The following LDLRAD4 variants were observed in gnomAD, a reference collection of about 807,000 sequenced individuals.
The protein encoded by LDLRAD4 is low density lipoprotein receptor class A domain containing 4, also known as low-density lipoprotein receptor class A domain-containing protein 4.
A neutral mutation model predicts 17.0 loss-of-function variants in LDLRAD4; 5 were observed. That is an observed-to-expected ratio of 0.29 (90% CI 0.15 to 0.62). LDLRAD4 has a LOEUF of 0.62. Among genes scored for constraint, LDLRAD4 ranks in the 20% least tolerant of loss-of-function variants. The pLI is 0.84. For missense variants in LDLRAD4, 340 were observed against 424.7 expected (o/e 0.80, Z 1.75); for synonymous variants, 168 against 171.8 (o/e 0.98, Z 0.17).
chr18:13,256,906 T>C (rs893752165), intron 1 of LDLRAD4, among the ~76,000 whole-genome samples: 1 of 149,280 alleles, frequency 6.7e-6, no homozygotes, highest in African/African-American at 2.6e-5. Context: ...CGGAATTTGG[T>C]GCACTTACTT....
rs1229346406 is a variant in LDLRAD4, at chr18:13,645,597, T to G, written c.861T>G (p.Asn287Lys). The G allele has an allele frequency of 6.3e-7, 1 of 1,582,696 alleles. No individual in the cohort carries two copies. Among genetic ancestry groups the G allele is most frequent in the South Asian group, 1.2e-5 (1 of 85,022 alleles). The change falls in exon 6 of 6, where the codon AAT (asparagine) becomes AAG (lysine). Residue 287 changes from asparagine to lysine, a missense_variant. Transcript: ENST00000359446. This position sits in a 1 kb window ranked among gnomAD's most constrained non-coding sequence, Gnocchi z 5.7. ...GCAGACTGCAGTTTCAGCAGAACAA[T>G]GCAGAGAGCACAATAGTACCCATCA...
intron 3 of LDLRAD4, among the ~76,000 whole-genome samples, chr18:13,494,477 C>T (rs1480576225): frequency 6.6e-6 from 1 of 151,090 alleles, no homozygotes; most frequent in East Asian, 2.0e-4. Context: ...TCAGATATAT[C>T]TGCCCTCATA....
At chr18:13,438,474 G>T (rs1282420780) in intron 3 of LDLRAD4, 90 bp downstream of exon 4, 1 of 1,020,496 alleles carries the variant, frequency 9.8e-7, no homozygotes, top group Non-Finnish European at 1.5e-6. Flanking sequence ...GAAGGAGGTT[G>T]TTTTCTGGTT....
At position 13,398,768 on chromosome 18, in the gene LDLRAD4, G is replaced by T. The variant is rs1178911522; in HGVS notation, c.40+11006G>T. On this transcript the variant is annotated intron_variant, in intron 2 of 5. Transcript: ENST00000359446. The surrounding 1 kb of genome is among the most constrained non-coding windows in gnomAD (Gnocchi z 4.8). ...ACCACCAGCCTGGACGTGGGGATAC[G>T]TCTCTGCAGAACCAGGCCCTGCCAG... Among the ~76,000 whole-genome samples the T allele has an allele frequency of 6.6e-6, 1 of 152,096 alleles. No individual in the cohort carries two copies. Among genetic ancestry groups the T allele is most frequent in the African/African-American group, 2.4e-5 (1 of 41,404 alleles).
chr18:13,504,426 T>G (rs1168845543), intron 3 of LDLRAD4, among the ~76,000 whole-genome samples: 5 of 152,158 alleles, frequency 3.3e-5, no homozygotes, highest in Non-Finnish European at 7.4e-5. Context: ...ATTTTTATTT[T>G]TATTTTATTT....
intron 1 of LDLRAD4, among the ~76,000 whole-genome samples, chr18:13,360,384 G>A (rs970091631): frequency 6.6e-6 from 1 of 152,262 alleles, no homozygotes; most frequent in Admixed American, 6.5e-5. Flanking sequence ...GTGAGGAGAT[G>A]TGTGGTATTA....
intron 3 of LDLRAD4, among the ~76,000 whole-genome samples, chr18:13,506,603 C>T (rs1271645609): frequency 6.6e-6 from 1 of 152,180 alleles, no homozygotes; most frequent in Non-Finnish European, 1.5e-5. Context: ...GAAGCTCTAG[C>T]TAAGATCACT....
At chr18:13,341,576 G>T (rs2082375407) in intron 1 of LDLRAD4, among the ~76,000 whole-genome samples, 1 of 151,950 alleles carries the variant, frequency 6.6e-6, no homozygotes, top group Non-Finnish European at 1.5e-5. Flanking sequence ...TGCTGATTTT[G>T]CTTGTGGCAG....
At chr18:13,377,385 G>T (rs1377158227) in intron 1 of LDLRAD4, among the ~76,000 whole-genome samples, 1 of 152,178 alleles carries the variant, frequency 6.6e-6, no homozygotes, top group Non-Finnish European at 1.5e-5. Context: ...TGAATTGCAA[G>T]TCATTCTTGG....
At chr18:13,221,486 A>C (rs551695708) in intron 1 of LDLRAD4, among the ~76,000 whole-genome samples, 5 of 152,232 alleles carry the variant, frequency 3.3e-5, no homozygotes. Flanking sequence ...GTTTCAAAAT[A>C]GGAATGCAAA....
chr18:13,444,263 C>G (rs1485943311), intron 3 of LDLRAD4, among the ~76,000 whole-genome samples: 1 of 152,176 alleles, frequency 6.6e-6, no homozygotes, highest in Non-Finnish European at 1.5e-5. Context: ...ACTTGGATAG[C>G]CAACTCCCAG....
intron 3 of LDLRAD4, among the ~76,000 whole-genome samples, chr18:13,503,693 T>C (rs2093648186): frequency 6.6e-6 from 1 of 152,004 alleles, no homozygotes; most frequent in South Asian, 2.1e-4. Context: ...GGAGCCCCTT[T>C]CTGAAGTGAG....
intron 3 of LDLRAD4, among the ~76,000 whole-genome samples, chr18:13,601,653 GAA>G (rs71174174): frequency 1.6e-5 from 2 of 124,512 alleles, no homozygotes. Context: ...GACTCTGTCT[GAA>G]AAAAAAAAAA....
rs1283037121 is a variant in LDLRAD4 at position 13,266,267 on chromosome 18, A to T, written c.-466-11838A>T. Among the ~76,000 whole-genome samples, 14 of 152,342 alleles carry T rather than the reference A, an allele frequency of 9.2e-5. No homozygotes were observed. In the East Asian group the frequency reaches 2.7e-3, roughly 29 times the overall value. On this transcript the variant is annotated intron_variant, in intron 1 of 5. Transcript: ENST00000399848. ...GGAACACAGAAGATCATTTTGCTAC[A>T]GAGTCCGCATAAGCCCTCTGCCCTC...
In LDLRAD4 at chr18:13,298,309, G is replaced by A. The variant is rs77508574; in HGVS notation, c.-383+20121G>A. On this transcript the variant is annotated intron_variant, in intron 1 of 5. Coordinates refer to ENST00000359446, the Ensembl canonical transcript of LDLRAD4. ...ACAATGTTGGAGCTGCTCTGGGCAC[G>A]GTGATGTTGCTGCTCCGGGCACGGT... is the stretch of plus-strand genomic sequence containing the variant. 3.4e-3 allele frequency among the ~76,000 whole-genome samples: 510 copies of A among 151,968 alleles called. 3 individuals are homozygous for A. Among genetic ancestry groups the A allele is most frequent in the African/African-American group, 0.01 (433 of 41,426 alleles).
chr18:13,442,756 C>T (rs16940551), intron 3 of LDLRAD4, among the ~76,000 whole-genome samples: 5,780 of 152,252 alleles, frequency 0.038, 319 homozygotes, highest in East Asian at 0.25. Flanking sequence ...TTCCTTCGAC[C>T]GTCCAGAAGC....
chr18:13,305,560 T>C (rs972137793), intron 1 of LDLRAD4, among the ~76,000 whole-genome samples: 3 of 152,206 alleles, frequency 2.0e-5, no homozygotes, highest in Admixed American at 6.5e-5. Context: ...AAGAGCAACA[T>C]GGGACCCAAA....
chr18:13,299,190 C>A (rs1243382402), intron 1 of LDLRAD4, among the ~76,000 whole-genome samples: 1 of 152,228 alleles, frequency 6.6e-6, no homozygotes, highest in African/African-American at 2.4e-5. Context: ...GTGACTGTAG[C>A]TCAATGCTGG....
At position 13,386,891 on chromosome 18, in the gene LDLRAD4, CATAGATAGATAGATAGATAG is replaced by C. The variant is rs71174169; in HGVS notation, c.-382-411_-382-392del. 1.4e-3 allele frequency among the ~76,000 whole-genome samples: 206 copies of C among 146,908 alleles called. No individual in the cohort carries two copies. In the Middle Eastern group the frequency reaches 0.021, roughly 15 times the overall value. On this transcript the variant is annotated intron_variant, in intron 1 of 5. Coordinates refer to ENST00000359446, the Ensembl canonical transcript of LDLRAD4. ...GGCGGCTTAGTGAGACCCTGTCATT[CATAGATAGATAGATAGATAG>C]ATAGATAGATAGATAGATAGATAGA...
Sources: allele counts gnomAD v4.1 joint callset (sites outside exome capture counted in the v4.1 genomes callset), GRCh38; gene constraint gnomAD v4.1.1; non-coding constraint Gnocchi (gnomAD v3.1); transcripts MANE v1.5; gene names NCBI Gene and HGNC (gene_info 2026-07-23, HGNC 2026-07-21).